EYA4: variants seen among roughly 807,000 people sequenced by gnomAD.
EYA4 encodes protein phosphatase EYA4.
A neutral mutation model predicts 87.9 loss-of-function variants in EYA4; 31 were observed. The ratio of observed to expected loss-of-function variants is 0.35; its 90% CI spans 0.27 to 0.48. The LOEUF (loss-of-function observed/expected upper bound fraction) is 0.48, where lower values mean the gene tolerates loss of function less well. Among genes scored for constraint, EYA4 ranks in the 20% least tolerant of loss-of-function variants. EYA4 has a pLI of 0.99. For synonymous variants in EYA4, 263 were observed against 270.6 expected (o/e 0.97, Z 0.28); for missense variants, 678 against 761.4 (o/e 0.89, Z 1.29).
In EYA4 at chr6:133,529,853, GCA is replaced by G. The variant is rs995398329; in HGVS notation, c.*1051_*1052del. The G allele has an allele frequency of 1.0e-5, 10 of 985,296 alleles. No homozygotes were observed. Among genetic ancestry groups the G allele is most frequent in the Middle Eastern group, 5.2e-4 (1 of 1,936 alleles). The allele number at this position is 985,296 out of a possible 1,614,324, so 61.0% of individuals were successfully genotyped here. On this transcript the variant is annotated 3_prime_UTR_variant, in exon 20 of 20. Coordinates refer to ENST00000355286, the MANE Select transcript of EYA4 (RefSeq NM_004100.5). ...CTAAGAGCCATATTCATGACAACTT[GCA>G]CAGTTTTGAGGTTGAGACTTTTGAT... is the stretch of plus-strand genomic sequence containing the variant.
chr6:133,512,645 A>G lies in EYA4; in HGVS notation c.1282-76A>G, dbSNP rs1006764494. 5 of 1,104,684 alleles carry G rather than the reference A, an allele frequency of 4.5e-6. No homozygotes were observed. The African/African-American group carries it at 4.6e-5, about 10-fold the overall frequency. The allele number at this position is 1,104,684 out of a possible 1,614,324, so 68.4% of individuals were successfully genotyped here. On this transcript the variant is annotated intron_variant, in intron 14 of 19. Coordinates refer to ENST00000355286, the MANE Select transcript of EYA4 (RefSeq NM_004100.5). ...CTTCTGGTGGTAGTCTGATCAGATG[A>G]GAAGATGGGAAAACCTTCAAGCATG...
intron 2 of EYA4, among the ~76,000 whole-genome samples, chr6:133,375,649 T>C (rs1785621028): frequency 6.6e-6 from 1 of 151,798 alleles, no homozygotes; most frequent in Non-Finnish European, 1.5e-5. Context: ...TTTAAAAAAA[T>C]TAATGTGATA....
At chr6:133,326,002 C>G (rs912306791) in intron 2 of EYA4, among the ~76,000 whole-genome samples, 23 of 152,206 alleles carry the variant, frequency 1.5e-4, no homozygotes, top group African/African-American at 5.3e-4. Flanking sequence ...GGTGGTCTGC[C>G]TCTTTGCTTC....
intron 2 of EYA4, among the ~76,000 whole-genome samples, chr6:133,281,251 TGG>T (rs528211037): frequency 7.7e-4 from 117 of 152,316 alleles, no homozygotes; most frequent in African/African-American, 2.7e-3. Context: ...TCCCATTTTG[TGG>T]GTTGTCTTTT....
At chr6:133,498,446 C>A (rs757498500) in intron 13 of EYA4, among the ~76,000 whole-genome samples, 12 of 152,118 alleles carry the variant, frequency 7.9e-5, no homozygotes, top group Non-Finnish European at 1.5e-4. Context: ...AATAAACATT[C>A]AGTAAGCATA....
At chr6:133,423,802 C>T (rs1790421597) in intron 3 of EYA4, among the ~76,000 whole-genome samples, 1 of 152,192 alleles carries the variant, frequency 6.6e-6, no homozygotes, top group Admixed American at 6.5e-5. Context: ...ATTTATTCCT[C>T]TCTACTTATT....
intron 2 of EYA4, among the ~76,000 whole-genome samples, chr6:133,321,684 T>C (rs1216001770): frequency 6.6e-6 from 1 of 152,216 alleles, no homozygotes; most frequent in Non-Finnish European, 1.5e-5. Flanking sequence ...TCTGTGTGTT[T>C]TGGAATTTTG....
intron 13 of EYA4, among the ~76,000 whole-genome samples, chr6:133,497,889 A>G (rs1020900990): frequency 5.3e-5 from 8 of 152,188 alleles, no homozygotes; most frequent in Non-Finnish European, 1.0e-4. Context: ...GGAAAAGTGA[A>G]TGGTTGGCTG....
rs1794703788 is a variant in EYA4 at position 133,464,789 on chromosome 6, T to G, written c.735T>G (p.Phe245Leu). The G allele has an allele frequency of 1.5e-5, 24 of 1,605,672 alleles. No homozygotes were observed. Among genetic ancestry groups the G allele is most frequent in the Non-Finnish European group, 1.9e-5 (22 of 1,173,186 alleles). ...GTTTTTTACCTCTAGGTTCTAGTTT[T>G]GCACCATCATCTACTATTTATGCAA... is the stretch of plus-strand genomic sequence containing the variant. ...PYSYQMPGSS[F>L]APSSTIYANN... is the part of the protein sequence containing the mutation. The change falls in exon 10 of 20, where the codon TTT (phenylalanine) becomes TTG (leucine). Residue 245 changes from phenylalanine (F) to leucine (L), a missense_variant. Phe to Leu is a conservative substitution (Grantham distance 22). Coordinates refer to ENST00000355286, the MANE Select transcript of EYA4 (RefSeq NM_004100.5).
chr6:133,392,644 G>A (rs1787401195), intron 3 of EYA4, among the ~76,000 whole-genome samples: 1 of 152,124 alleles, frequency 6.6e-6, no homozygotes, highest in African/African-American at 2.4e-5. Flanking sequence ...ATTTTCTACA[G>A]TGGATACTTA....
intron 2 of EYA4, among the ~76,000 whole-genome samples, chr6:133,355,296 G>A (rs1389581855): frequency 6.6e-6 from 1 of 152,066 alleles, no homozygotes; most frequent in African/African-American, 2.4e-5. Context: ...CTATGTGTTT[G>A]TGCATTCTCT....
At chr6:133,518,657 A>C (rs1172212316) in intron 17 of EYA4, among the ~76,000 whole-genome samples, 2 of 152,206 alleles carry the variant, frequency 1.3e-5, no homozygotes, top group Non-Finnish European at 2.9e-5. Flanking sequence ...TTTAGAAATC[A>C]AAAGCCACTT....
At chr6:133,456,886 T>C (rs1793960459) in intron 6 of EYA4, among the ~76,000 whole-genome samples, 1 of 152,222 alleles carries the variant, frequency 6.6e-6, no homozygotes, top group African/African-American at 2.4e-5. Context: ...ACTTTCTTAT[T>C]ATGGATAAGT....
intron 2 of EYA4, among the ~76,000 whole-genome samples, chr6:133,374,263 T>C (rs1226074123): frequency 6.6e-6 from 1 of 152,050 alleles, no homozygotes; most frequent in Admixed American, 6.6e-5. Flanking sequence ...ACAGTTGTAG[T>C]TGATGAAGAG....
At chr6:133,370,831 G>A (rs1785212113) in intron 2 of EYA4, among the ~76,000 whole-genome samples, 1 of 152,094 alleles carries the variant, frequency 6.6e-6, no homozygotes, top group Non-Finnish European at 1.5e-5. Context: ...GAGAATGAGT[G>A]TTTCCCTCCA....
intron 2 of EYA4, among the ~76,000 whole-genome samples, chr6:133,358,565 A>G (rs918318388): frequency 1.3e-5 from 2 of 152,160 alleles, no homozygotes; most frequent in Non-Finnish European, 2.9e-5. Flanking sequence ...TTCTAGTTGA[A>G]CTATTTTGAT....
chr6:133,449,532 A>G (rs552558597), intron 5 of EYA4, among the ~76,000 whole-genome samples: 2 of 152,316 alleles, frequency 1.3e-5, no homozygotes, highest in South Asian at 4.1e-4. Flanking sequence ...TCTTAATGTC[A>G]GTGTTAAAAC....
chr6:133,286,969 G>A (rs1778114337), intron 2 of EYA4, among the ~76,000 whole-genome samples: 2 of 152,124 alleles, frequency 1.3e-5, no homozygotes, highest in Admixed American at 6.5e-5. Flanking sequence ...CCCACTAGAT[G>A]TCAGTAGCAC....
intron 17 of EYA4, among the ~76,000 whole-genome samples, chr6:133,521,102 A>G (rs1433314857): frequency 2.7e-5 from 4 of 150,866 alleles, no homozygotes; most frequent in East Asian, 2.0e-4. Context: ...ACAAAAGACA[A>G]AATTGACAAA....
Sources: allele counts gnomAD v4.1 joint callset (sites outside exome capture counted in the v4.1 genomes callset), GRCh38; gene constraint gnomAD v4.1.1; transcripts MANE v1.5; gene names NCBI Gene and HGNC (gene_info 2026-07-23, HGNC 2026-07-21).